Variants in ATF7IP2 observed in about 807,000 individuals in gnomAD.
ATF7IP2 encodes activating transcription factor 7 interacting protein 2, also known as activating transcription factor 7-interacting protein 2.
In ATF7IP2, 42 loss-of-function variants were observed where a neutral mutation model predicts 64.2. The observed-to-expected ratio is 0.65, with a 90% CI of 0.51 to 0.85. The LOEUF (loss-of-function observed/expected upper bound fraction) is 0.85. ATF7IP2 is among the 40% of genes least tolerant of loss of function. The pLI is 0.00. For missense variants in ATF7IP2, 933 were observed against 784.2 expected, an observed-to-expected ratio of 1.19 and a Z score of -2.27; for synonymous variants, 308 against 272.8, an observed-to-expected ratio of 1.13 and a Z score of -1.27.
At chr16:10,457,096 G>A (rs1172937739) in intron 8 of ATF7IP2, among the ~76,000 whole-genome samples, 1 of 152,112 alleles carries the variant, frequency 6.6e-6, no homozygotes, top group Admixed American at 6.5e-5. Context: ...AGTCTAATAG[G>A]AATAAAGTGT....
intron 13 of ATF7IP2, 105 bp from the exon 14 acceptor site, chr16:10,481,731 T>A: frequency 9.9e-7 from 1 of 1,010,142 alleles, no homozygotes. Flanking sequence ...TACTGAAATA[T>A]CCTTTTATTA....
At chr16:10,422,985 C>T (rs778742033) in intron 3 of ATF7IP2, among the ~76,000 whole-genome samples, 14 of 152,252 alleles carry the variant, frequency 9.2e-5, no homozygotes, top group Non-Finnish European at 1.9e-4. Flanking sequence ...TGGCTCACGC[C>T]TGTAATCCCA....
chr16:10,440,968 T>A (rs1343249180), intron 8 of ATF7IP2, among the ~76,000 whole-genome samples: 1 of 152,204 alleles, frequency 6.6e-6, no homozygotes, highest in African/African-American at 2.4e-5. Context: ...GTTCTCATTG[T>A]TCAACTCCCA....
chr16:10,412,062 A>G (rs1481585884), intron 1 of ATF7IP2, among the ~76,000 whole-genome samples: 1 of 114,732 alleles, frequency 8.7e-6, no homozygotes, highest in Non-Finnish European at 1.7e-5. Context: ...TCTAGGGTAC[A>G]TGTGCACAAG....
intron 1 of ATF7IP2, among the ~76,000 whole-genome samples, chr16:10,402,912 A>C (rs997075479): frequency 2.6e-5 from 4 of 152,108 alleles, no homozygotes; most frequent in Non-Finnish European, 4.4e-5. Context: ...TTTCTCAAAA[A>C]AAAAAAAAAA....
intron 3 of ATF7IP2, among the ~76,000 whole-genome samples, chr16:10,423,722 G>C (rs893031414): frequency 6.6e-6 from 1 of 152,146 alleles, no homozygotes; most frequent in Non-Finnish European, 1.5e-5. Context: ...AACCTGCTCT[G>C]TTACCTCTTA....
intron 1 of ATF7IP2, among the ~76,000 whole-genome samples, chr16:10,390,861 C>T (rs1461007619): frequency 6.6e-6 from 1 of 152,062 alleles, no homozygotes; most frequent in East Asian, 1.9e-4. Context: ...GCAAAGCAAA[C>T]GCAAAGAAAG....
chr16:10,414,961 A>G (rs1292008564), intron 2 of ATF7IP2, among the ~76,000 whole-genome samples: 1 of 152,186 alleles, frequency 6.6e-6, no homozygotes, highest in East Asian at 1.9e-4. Context: ...TAAAACACTG[A>G]TGAAAGAAAT....
chr16:10,402,495 C>T (rs1364545357), intron 1 of ATF7IP2, among the ~76,000 whole-genome samples: 1 of 152,088 alleles, frequency 6.6e-6, no homozygotes, highest in African/African-American at 2.4e-5. Context: ...CAAGGTCTTA[C>T]TCTGTCACCC....
rs2048207603 is a variant in ATF7IP2, at chr16:10,430,483, TG to T, written c.-10-127del. Reference sequence around the variant, plus strand: ...AAAATGGATATGATTTTCAGTAAGGTGATTATCTAAATATGGAGAGACAGTG... The same window carrying T: ...AAAATGGATATGATTTTCAGTAAGGTATTATCTAAATATGGAGAGACAGTG... On this transcript the variant is annotated intron_variant, in intron 4 of 13. Transcript: ENST00000562102. 1.4e-5 allele frequency: 8 copies of T among 588,896 alleles called. No homozygotes were observed. The South Asian group carries it at 2.2e-4, about 16-fold the overall frequency. 36.5% of individuals were successfully genotyped at this position (588,896 alleles called of 1,614,324 possible).
intron 8 of ATF7IP2, among the ~76,000 whole-genome samples, chr16:10,455,041 C>T (rs1157966768): frequency 6.6e-6 from 1 of 152,082 alleles, no homozygotes; most frequent in Admixed American, 6.5e-5. Context: ...CTGTAAATGT[C>T]ATGTTTGAGT....
At chr16:10,397,706 G>C (rs537187454) in intron 1 of ATF7IP2, among the ~76,000 whole-genome samples, 3 of 151,600 alleles carry the variant, frequency 2.0e-5, no homozygotes. Flanking sequence ...GCAAAACCCT[G>C]TCTCTGCAGG....
intron 8 of ATF7IP2, among the ~76,000 whole-genome samples, chr16:10,441,592 T>C (rs2048624484): frequency 6.6e-6 from 1 of 152,182 alleles, no homozygotes; most frequent in Non-Finnish European, 1.5e-5. Context: ...CGCTTTTTGA[T>C]GGGGTTGTTT....
intron 8 of ATF7IP2, among the ~76,000 whole-genome samples, chr16:10,444,253 A>T (rs952722167): frequency 4.6e-5 from 7 of 152,178 alleles, no homozygotes. Context: ...TTTGAATATT[A>T]GTTTGGAAGG....
At chr16:10,464,896 C>G (rs1265597874) in intron 9 of ATF7IP2, among the ~76,000 whole-genome samples, 2 of 152,232 alleles carry the variant, frequency 1.3e-5, no homozygotes, top group African/African-American at 4.8e-5. Flanking sequence ...ACGGCACGAT[C>G]TCAGCTCACT....
rs1217473826 is a variant in ATF7IP2, at chr16:10,481,961, C to T, written c.1761C>T (p.Phe587=). The change falls in exon 14 of 14, where the codon TTC becomes TTT. Residue 587 remains phenylalanine (F), a synonymous_variant. Transcript: ENST00000562102. ...QKPELKVKRV[F]RPNGIALTWN... ...CTGAGCTCAAAGTGAAACGGGTTTT[C>T]AGACCCAATGGCATTGCCCTGACTT... The T allele has an allele frequency of 8.1e-6, 13 of 1,614,030 alleles. No homozygotes were observed. The highest frequency in any genetic ancestry group is 1.1e-5 in the Non-Finnish European group (13 of 1,180,020).
At position 10,483,310 on chromosome 16, in the gene ATF7IP2, C is replaced by G. The variant is rs2050304534; in HGVS notation, c.*1061C>G. 6.6e-6 allele frequency: 1 copy of G among 152,146 alleles called. No homozygotes were observed. Among genetic ancestry groups the G allele is most frequent in the Non-Finnish European group, 1.5e-5 (1 of 68,032 alleles). The allele number at this position is 152,146 out of a possible 1,614,324, so 9.4% of individuals were successfully genotyped here. A position where few individuals can be genotyped will look rare whatever the true frequency, so the allele number is the denominator to read the frequency against. ...GTTTGCTGATTTCCTAAATGCTACC[C>G]TTTGATCATTTCCTGGCCACCATCA... On this transcript the variant is annotated 3_prime_UTR_variant, in exon 14 of 14. Coordinates refer to ENST00000562102, the MANE Select transcript of ATF7IP2 (RefSeq NM_001393719.1).
chr16:10,403,624 A>G (rs1383546507), intron 1 of ATF7IP2, among the ~76,000 whole-genome samples: 2 of 152,248 alleles, frequency 1.3e-5, no homozygotes, highest in Non-Finnish European at 2.9e-5. Flanking sequence ...ACCAAAAATG[A>G]TAATTGAAAT....
rs540869559 is a variant in ATF7IP2, at chr16:10,440,575, T to G, written c.1194+113T>G. 2.8e-4 allele frequency: 176 copies of G among 639,266 alleles called. 3 individuals carry two copies. The South Asian group carries it at 3.7e-3, about 13-fold the overall frequency. The allele number at this position is 639,266 out of a possible 1,614,324, so 39.6% of individuals were successfully genotyped here. A position where few individuals can be genotyped will look rare whatever the true frequency, so the allele number is the denominator to read the frequency against. ...GACAGAAGGTGTAAAGGTAAGTAAG[T>G]TTTTACTTAGAGTGTTCCCATGCAT... On this transcript the variant is annotated intron_variant, in intron 8 of 13. Coordinates refer to ENST00000562102, the MANE Select transcript of ATF7IP2 (RefSeq NM_001393719.1).
Sources: gnomAD v4.1 joint callset for allele counts (sites outside exome capture counted in the v4.1 genomes callset) on GRCh38, gnomAD v4.1.1 for gene constraint, MANE v1.5 for transcripts, NCBI Gene and HGNC (gene_info 2026-07-23, HGNC 2026-07-21) for gene names.